NPY1R: variants seen among roughly 807,000 people sequenced by gnomAD.
NPY1R encodes neuropeptide Y receptor Y1, also known as neuropeptide Y receptor type 1.
Under a neutral mutation model 24.1 loss-of-function variants are expected in NPY1R, and 10 were observed. That is an observed-to-expected ratio of 0.42 (90% CI 0.26 to 0.71). The LOEUF (loss-of-function observed/expected upper bound fraction) is 0.71. Among genes scored for constraint, NPY1R ranks in the 30% least tolerant of loss-of-function variants. The probability of loss-of-function intolerance (pLI) is 0.28; values close to 1 mark genes in which losing one functional copy is unlikely to be tolerated. For synonymous variants in NPY1R, 168 were observed against 165.9 expected (o/e 1.01, Z -0.10); for missense variants, 350 against 458.0 (o/e 0.76, Z 2.15).
At chr4:163,336,903 G>T (rs1347125679), upstream of NPY1R, among the ~76,000 whole-genome samples, 1 of 152,216 alleles carries the variant, frequency 6.6e-6, no homozygotes, top group East Asian at 1.9e-4. Flanking sequence ...AGAGGTTGCA[G>T]TGAGCTGAGA....
In NPY1R at chr4:163,325,871, AAAT is replaced by A; in HGVS notation, c.681_683del (p.Phe228del). The A allele has an allele frequency of 6.2e-7, 1 of 1,613,412 alleles. No homozygotes were observed. Among genetic ancestry groups the A allele is most frequent in the Non-Finnish European group, 8.5e-7 (1 of 1,179,604 alleles). The stretch of plus-strand genomic sequence containing the variant: ...GTTTTCTTACCTTGAAGTAGCAAAT[AAAT>A]ATAAAACAAAGTGGACCAAAATACT... On this transcript the variant is annotated inframe_deletion, in exon 2 of 3. Coordinates refer to ENST00000296533, the MANE Select transcript of NPY1R (RefSeq NM_000909.6).
rs1734573385 is a variant in NPY1R, at chr4:163,325,181, A to C, written c.*122T>G. 1 of 713,088 alleles carries C rather than the reference A, an allele frequency of 1.4e-6. No individual in the cohort carries two copies. The highest frequency in any genetic ancestry group is 1.8e-5 in the African/African-American group (1 of 56,070). 44.2% of individuals were successfully genotyped at this position (713,088 alleles called of 1,614,324 possible). ...AAAGCAGTAAAAAGCAAGACAAGAA[A>C]ATCTTAGTCATTTTCAAATGATTTC... On this transcript the variant is annotated 3_prime_UTR_variant, in exon 3 of 3. Coordinates refer to ENST00000296533, the MANE Select transcript of NPY1R (RefSeq NM_000909.6).
intron 1 of NPY1R, chr4:163,343,795 G>C (rs565242503): frequency 6.6e-6 from 1 of 152,228 alleles, no homozygotes; most frequent in South Asian, 2.1e-4. Context: ...AGAGGCTGGC[G>C]CGGAGCAGGC....
At chr4:163,329,451 A>C (rs1470502391) in intron 1 of NPY1R, among the ~76,000 whole-genome samples, 1 of 152,024 alleles carries the variant, frequency 6.6e-6, no homozygotes, top group Non-Finnish European at 1.5e-5. Flanking sequence ...AAATACAAAA[A>C]TCAGCCAGGC....
Position 163,332,529 on chromosome 4 carries a change from G to C in NPY1R, c.-199C>G, listed in dbSNP as rs1282252838. On this transcript the variant is annotated 5_prime_UTR_variant, in exon 1 of 3. Transcript: ENST00000296533. ...CGCTCCTGCTTATTAAAGAAGGAAG[G>C]GTGGGAATGGAAGGGAGCAGAGTGG... The C allele has an allele frequency of 6.6e-6, 1 of 152,262 alleles. No individual in the cohort carries two copies. Among genetic ancestry groups the C allele is most frequent in the African/African-American group, 2.4e-5 (1 of 41,420 alleles). The allele number at this position is 152,262 out of a possible 1,614,324, so 9.4% of individuals were successfully genotyped here.
chr4:163,332,314 G>A (rs921463972), intron 1 of NPY1R, among the ~76,000 whole-genome samples, 168 bp downstream of exon 1: 1 of 152,076 alleles, frequency 6.6e-6, no homozygotes, highest in African/African-American at 2.4e-5. Context: ...GCCCGCGAAC[G>A]GTCCGGTGAT....
At position 163,332,524 on chromosome 4, in the gene NPY1R, G is replaced by A. The variant is rs1734757409; in HGVS notation, c.-194C>T. 6.6e-6 allele frequency: 1 copy of A among 152,290 alleles called. No homozygotes were observed. Among genetic ancestry groups the A allele is most frequent in the African/African-American group, 2.4e-5 (1 of 41,448 alleles). 9.4% of individuals were successfully genotyped at this position (152,290 alleles called of 1,614,324 possible). ...TTTTTCGCTCCTGCTTATTAAAGAA[G>A]GAAGGGTGGGAATGGAAGGGAGCAG... On this transcript the variant is annotated 5_prime_UTR_variant, in exon 1 of 3. Coordinates refer to ENST00000296533, the MANE Select transcript of NPY1R (RefSeq NM_000909.6).
upstream of NPY1R, among the ~76,000 whole-genome samples, chr4:163,334,861 G>GAAAAA (rs545497813): frequency 1.3e-4 from 9 of 66,886 alleles, no homozygotes; most frequent in Admixed American, 1.6e-4. Flanking sequence ...CTCTGTTTTG[G>GAAAAA]AAAAAAAAAA....
At chr4:163,342,921 G>C (rs1306955678) in intron 1 of NPY1R, among the ~76,000 whole-genome samples, 1 of 150,996 alleles carries the variant, frequency 6.6e-6, no homozygotes, top group African/African-American at 2.4e-5. Flanking sequence ...AAGACACATG[G>C]ACATCTACCC....
chr4:163,338,113 T>A (rs186518689), intron 1 of NPY1R, among the ~76,000 whole-genome samples: 8 of 152,262 alleles, frequency 5.3e-5, no homozygotes, highest in African/African-American at 1.7e-4. Context: ...GATCTACTAT[T>A]TCCATCTACT....
chr4:163,326,244 T>C lies in NPY1R; in HGVS notation c.311A>G (p.Asp104Gly). 1 of 1,614,128 alleles carries C rather than the reference T, an allele frequency of 6.2e-7. No homozygotes were observed. Among genetic ancestry groups the C allele is most frequent in the Non-Finnish European group, 8.5e-7 (1 of 1,179,974 alleles). Residue 104 changes from aspartate to glycine, a missense_variant, in exon 2 of 3, where the codon GAC (aspartate) becomes GGC (glycine). By Grantham distance (94) the Asp-to-Gly change is moderately conservative. Transcript: ENST00000296533. ...LPFTFVYTLMDHWVFGEAMCK... is the reference protein window; with the variant it reads ...LPFTFVYTLMGHWVFGEAMCK... ...CATCGCCTCACCAAAGACCCAGTGG[T>C]CCATTAATGTGTAGACAAATGTAAA...
Position 163,325,176 on chromosome 4 carries a change from A to T in NPY1R, c.*127T>A. On this transcript the variant is annotated 3_prime_UTR_variant, in exon 3 of 3. Transcript: ENST00000296533. ...CAACAAAAGCAGTAAAAAGCAAGAC[A>T]AGAAAATCTTAGTCATTTTCAAATG... is the stretch of plus-strand genomic sequence containing the variant. 1 of 697,688 alleles carries T rather than the reference A, an allele frequency of 1.4e-6. No homozygotes were observed. The allele number at this position is 697,688 out of a possible 1,614,324, so 43.2% of individuals were successfully genotyped here.
At chr4:163,343,830 C>T (rs1009906579) in intron 1 of NPY1R, 1 of 152,174 alleles carries the variant, frequency 6.6e-6, no homozygotes, top group Admixed American at 6.5e-5. Flanking sequence ...TCTCGGGGGT[C>T]CCCGGAACAG....
Position 163,326,083 on chromosome 4 carries a change from C to T in NPY1R, c.472G>A (p.Gly158Ser). ...WRPNNRHAYV[G>S]IAVIWVLAVA... ...GCAAGGACCCAAATCACAGCAATAC[C>T]TACATAAGCATGTCTATTATTTGGT... Residue 158 changes from glycine to serine, a missense_variant, in exon 2 of 3, where the codon GGT (glycine) becomes AGT (serine). Physicochemically the swap from Gly to Ser is moderately conservative, Grantham distance 56. Coordinates refer to ENST00000296533, the MANE Select transcript of NPY1R (RefSeq NM_000909.6). The T allele has an allele frequency of 6.2e-7, 1 of 1,614,066 alleles. No individual in the cohort carries two copies. The highest frequency in any genetic ancestry group is 8.5e-7 in the Non-Finnish European group (1 of 1,179,962).
intron 1 of NPY1R, among the ~76,000 whole-genome samples, chr4:163,339,804 T>C (rs1734933860): frequency 6.6e-6 from 1 of 152,170 alleles, no homozygotes; most frequent in Non-Finnish European, 1.5e-5. Flanking sequence ...CTCTGCCTCC[T>C]CTATTAGGTA....
chr4:163,332,358 C>T (rs1202417696), intron 1 of NPY1R, 124 bp downstream of exon 1: 1 of 152,276 alleles, frequency 6.6e-6, no homozygotes, highest in Admixed American at 6.5e-5. Context: ...GCACTGGAGA[C>T]CCCACCTTGG....
upstream of NPY1R, among the ~76,000 whole-genome samples, chr4:163,335,751 A>G (rs1426222354): frequency 1.3e-5 from 2 of 152,160 alleles, no homozygotes; most frequent in African/African-American, 4.8e-5. Flanking sequence ...TACCTGCTGC[A>G]TTTCTTTGGA....
chr4:163,333,705 G>T (rs1277066620), upstream of NPY1R, among the ~76,000 whole-genome samples: 1 of 152,008 alleles, frequency 6.6e-6, no homozygotes, highest in Non-Finnish European at 1.5e-5. Flanking sequence ...GTTAAAAAAC[G>T]TTTTCTTTTT....
chr4:163,325,775 T>C lies in NPY1R; in HGVS notation c.700-17A>G. On this transcript the variant is annotated splice_polypyrimidine_tract_variant and intron_variant, in intron 2 of 2. Transcript: ENST00000296533. ...TATATATATCTATGGAAGAAAAAAGTTTAAATAGAAACACTCATTTGATGA... is the reference window on the plus strand; with the variant it reads ...TATATATATCTATGGAAGAAAAAAGCTTAAATAGAAACACTCATTTGATGA... 1 of 1,569,936 alleles carries C rather than the reference T, an allele frequency of 6.4e-7. No homozygotes were observed. The highest frequency in any genetic ancestry group is 8.7e-7 in the Non-Finnish European group (1 of 1,152,402).
Sources: allele counts gnomAD v4.1 joint callset (sites outside exome capture counted in the v4.1 genomes callset), GRCh38; gene constraint gnomAD v4.1.1; transcripts MANE v1.5; gene names NCBI Gene and HGNC (gene_info 2026-07-23, HGNC 2026-07-21).